Variants in PRKD1 observed in about 807,000 individuals in gnomAD.
PRKD1 encodes the protein serine/threonine-protein kinase D1.
A neutral mutation model predicts 95.9 loss-of-function variants in PRKD1; 63 were observed. That is an observed-to-expected ratio of 0.66 (90% CI 0.54 to 0.81). The LOEUF (loss-of-function observed/expected upper bound fraction) is 0.81, where lower values mean the gene tolerates loss of function less well. Ranked by LOEUF, PRKD1 falls within the 30% of genes least tolerant of loss-of-function variation. PRKD1 has a pLI of 0.00. For synonymous variants in PRKD1, 425 were observed against 423.1 expected (o/e 1.00, Z -0.05); for missense variants, 1,048 against 1,165.3 (o/e 0.90, Z 1.47).
chr14:29,612,558 A>G (rs1197402228), intron 13 of PRKD1, among the ~76,000 whole-genome samples: 1 of 152,212 alleles, frequency 6.6e-6, no homozygotes, highest in African/African-American at 2.4e-5. Flanking sequence ...GAGATTTACT[A>G]AAAAATGGAA....
intron 1 of PRKD1, among the ~76,000 whole-genome samples, chr14:29,861,925 TA>T (rs1227233511): frequency 7.9e-5 from 12 of 152,196 alleles, no homozygotes; most frequent in African/African-American, 2.9e-4. Context: ...GTGCTGGGAT[TA>T]TAGTCGTGAG....
chr14:29,660,882 G>A (rs1363271951), intron 4 of PRKD1, among the ~76,000 whole-genome samples: 1 of 151,584 alleles, frequency 6.6e-6, no homozygotes, highest in Non-Finnish European at 1.5e-5. Flanking sequence ...AATCTGCTGA[G>A]TTTTTCTTGT....
At chr14:29,858,011 A>T (rs1157766460) in intron 1 of PRKD1, among the ~76,000 whole-genome samples, 1 of 152,228 alleles carries the variant, frequency 6.6e-6, no homozygotes, top group East Asian at 1.9e-4. Context: ...AAGAAATTTA[A>T]CTTTAGTTGT....
At chr14:29,693,648 C>CAA (rs1403495192) in intron 2 of PRKD1, among the ~76,000 whole-genome samples, 99 of 96,916 alleles carry the variant, frequency 1.0e-3, no homozygotes, top group South Asian at 6.0e-3. Context: ...AAAACAACAA[C>CAA]AACAAAAAAA....
chr14:29,809,590 C>T (rs1173132107), intron 1 of PRKD1, among the ~76,000 whole-genome samples: 1 of 152,184 alleles, frequency 6.6e-6, no homozygotes, highest in African/African-American at 2.4e-5. Flanking sequence ...TTTCTTTAAA[C>T]CTTATGAAAC....
Position 29,599,109 on chromosome 14 carries a change from C to T in PRKD1, c.2084G>A (p.Arg695Gln), listed in dbSNP as rs141649026. 36 of 1,612,968 alleles carry T rather than the reference C, an allele frequency of 2.2e-5. No homozygotes were observed. The East Asian group carries it at 3.8e-4, about 17-fold the overall frequency. ...FLITQILVALRHLHFKNIVHC... is the reference protein window; with the variant it reads ...FLITQILVALQHLHFKNIVHC... ...AACGATATTTTTAAAATGAAGGTGC[C>T]GCAAAGCCACGAGTATCTGTAAAGA... The change falls in exon 15 of 18, where the codon CGG becomes CAG. Residue 695 changes from arginine (R) to glutamine (Q), a missense_variant. This residue lies in a region of PRKD1 where 739 missense variants were observed against 861.9 expected (regional missense o/e 0.86). Coordinates refer to ENST00000331968, the MANE Select transcript of PRKD1 (RefSeq NM_002742.3).
chr14:29,790,002 G>A (rs1889461763), intron 1 of PRKD1, among the ~76,000 whole-genome samples: 1 of 141,340 alleles, frequency 7.1e-6, no homozygotes, highest in African/African-American at 2.7e-5. Flanking sequence ...TACCAAGCAA[G>A]TTGTCTTTTT....
intron 1 of PRKD1, among the ~76,000 whole-genome samples, chr14:29,746,448 G>A (rs1446384020): frequency 6.6e-6 from 1 of 151,820 alleles, no homozygotes. Context: ...CCACATAAAA[G>A]TCCACTGGTA....
intron 2 of PRKD1, among the ~76,000 whole-genome samples, chr14:29,670,277 G>A (rs970422524): frequency 6.6e-6 from 1 of 152,100 alleles, no homozygotes; most frequent in Non-Finnish European, 1.5e-5. Flanking sequence ...AAGTCAAAAT[G>A]AGGATGACAG....
rs748337004 is a variant in PRKD1 at position 29,634,408 on chromosome 14, T to C, written c.1314+10A>G. 9 of 1,613,858 alleles carry C rather than the reference T, an allele frequency of 5.6e-6. No individual in the cohort carries two copies. Among genetic ancestry groups the C allele is most frequent in the South Asian group, 5.5e-5 (5 of 91,082 alleles). On this transcript the variant is annotated intron_variant, in intron 8 of 17. Coordinates refer to ENST00000331968, the MANE Select transcript of PRKD1 (RefSeq NM_002742.3). ...CAAGGCAAGAGAACATTGTTCCCTG[T>C]GGATCTTACCAGCGTGTCCTTGCTG...
intron 1 of PRKD1, among the ~76,000 whole-genome samples, chr14:29,798,836 T>A (rs553727994): frequency 7.9e-5 from 12 of 152,328 alleles, no homozygotes; most frequent in African/African-American, 2.9e-4. Context: ...CACAAAAAAA[T>A]TCAATAATCT....
At chr14:29,674,144 T>A (rs1351395484) in intron 2 of PRKD1, among the ~76,000 whole-genome samples, 2 of 152,102 alleles carry the variant, frequency 1.3e-5, no homozygotes, top group East Asian at 1.9e-4. Context: ...ACAGTTATTA[T>A]TAATAATAAT....
intron 14 of PRKD1, among the ~76,000 whole-genome samples, chr14:29,599,403 A>G (rs1309497579): frequency 6.6e-6 from 1 of 152,160 alleles, no homozygotes; most frequent in Admixed American, 6.6e-5. Context: ...CCAAAACTAA[A>G]CCAATGTACA....
chr14:29,791,647 A>G (rs1213130470), intron 1 of PRKD1, among the ~76,000 whole-genome samples: 1 of 152,198 alleles, frequency 6.6e-6, no homozygotes, highest in Non-Finnish European at 1.5e-5. Flanking sequence ...AGCACATATC[A>G]GTATTTCATC....
rs1555337072 is a variant in PRKD1, at chr14:29,700,988, G to GCACACA, written c.403+24542_403+24547dup. The stretch of plus-strand genomic sequence containing the variant: ...TACGCGTGCGCATGCGCGCGCGCGC[G>GCACACA]CACACACACACACACACACCCTGTT... On this transcript the variant is annotated intron_variant, in intron 2 of 17. Transcript: ENST00000331968. 5.6e-3 allele frequency among the ~76,000 whole-genome samples: 511 copies of GCACACA among 90,596 alleles called. 1 individual carries two copies. Among genetic ancestry groups the GCACACA allele is most frequent in the Middle Eastern group, 0.01 (2 of 198 alleles). 59.4% of individuals were successfully genotyped at this position (90,596 alleles called of 152,430 possible).
intron 2 of PRKD1, among the ~76,000 whole-genome samples, chr14:29,714,506 G>C (rs1297287130): frequency 6.6e-6 from 1 of 152,216 alleles, no homozygotes; most frequent in African/African-American, 2.4e-5. Flanking sequence ...TTACACTGTT[G>C]ATGGGAGTGT....
intron 2 of PRKD1, among the ~76,000 whole-genome samples, chr14:29,702,083 G>T (rs1245167752): frequency 6.6e-6 from 1 of 152,164 alleles, no homozygotes; most frequent in East Asian, 1.9e-4. Flanking sequence ...TAGAAATATG[G>T]AATCGTCTCC....
chr14:29,853,929 C>G (rs914822533), intron 1 of PRKD1, among the ~76,000 whole-genome samples: 8 of 152,296 alleles, frequency 5.3e-5, no homozygotes, highest in African/African-American at 1.9e-4. Flanking sequence ...ATGTAACTTG[C>G]TCCTCCTTGC....
Position 29,783,779 on chromosome 14 carries a change from G to A in PRKD1, c.265-58105C>T, listed in dbSNP as rs181806613. Among the ~76,000 whole-genome samples, 4 of 152,178 alleles carry A rather than the reference G, an allele frequency of 2.6e-5. No homozygotes were observed. In the East Asian group the frequency reaches 5.8e-4, roughly 22 times the overall value. ...TTTTTCTTCTGTCTGTTGGCCATTC[G>A]TATGTCTTCTGTTGAGAATGTCCAC... On this transcript the variant is annotated intron_variant, in intron 1 of 17. Coordinates refer to ENST00000331968, the MANE Select transcript of PRKD1 (RefSeq NM_002742.3).
Sources: gnomAD v4.1 joint callset for allele counts (sites outside exome capture counted in the v4.1 genomes callset) on GRCh38, gnomAD v4.1.1 for gene constraint, gnomAD v4.1.1 regional missense constraint, MANE v1.5 for transcripts, NCBI Gene and HGNC (gene_info 2026-07-23, HGNC 2026-07-21) for gene names.